Variants in VASP observed in about 807,000 individuals in gnomAD.
VASP encodes vasodilator-stimulated phosphoprotein.
Under a neutral mutation model 54.4 loss-of-function variants are expected in VASP, and 27 were observed. That is an observed-to-expected ratio of 0.50 (90% CI 0.37 to 0.68). VASP has a LOEUF of 0.68. Ranked by LOEUF, VASP falls within the 30% of genes least tolerant of loss-of-function variation. The probability of loss-of-function intolerance (pLI) is 0.00; values close to 1 mark genes in which losing one functional copy is unlikely to be tolerated. For synonymous variants in VASP, 233 were observed against 209.8 expected (o/e 1.11, Z -0.96); for missense variants, 488 against 528.3 (o/e 0.92, Z 0.75).
Position 45,522,374 on chromosome 19 carries a change from C to A in VASP, c.513C>A (p.Pro171=). The change falls in exon 6 of 13, where the codon CCC becomes CCA. Residue 171 remains proline, a synonymous_variant. Coordinates refer to ENST00000245932, the MANE Select transcript of VASP (RefSeq NM_003370.4). ...CTGCTCCCCCCGCTGGGGGTCCACC[C>A]CCACCACCAGGACCTCCCCCTCCTC... The part of the protein sequence containing the change: ...GPPAPPAGGP[P]PPPGPPPPPG... The A allele has an allele frequency of 1.3e-6, 2 of 1,551,500 alleles. No homozygotes were observed. The highest frequency in any genetic ancestry group is 1.7e-6 in the Non-Finnish European group (2 of 1,146,934).
chr19:45,526,480 G>T lies in VASP; in HGVS notation c.*303G>T. The T allele has an allele frequency of 3.2e-6, 1 of 317,312 alleles. No individual in the cohort carries two copies. The highest frequency in any genetic ancestry group is 5.3e-5 in the East Asian group (1 of 19,038). The allele number at this position is 317,312 out of a possible 1,614,324, so 19.7% of individuals were successfully genotyped here. On this transcript the variant is annotated 3_prime_UTR_variant, in exon 13 of 13. Transcript: ENST00000245932. ...GAACCCCACAGGAAGGGGGAAGGAAGGAGGGAATTTCACATTCCCTTGTTC... is the reference window on the plus strand; with the variant it reads ...GAACCCCACAGGAAGGGGGAAGGAATGAGGGAATTTCACATTCCCTTGTTC...
In VASP at chr19:45,524,667, TG is replaced by T. The variant is rs762503564; in HGVS notation, c.1047+14del. On this transcript the variant is annotated splice_region_variant and intron_variant, in intron 11 of 12. Coordinates refer to ENST00000245932, the MANE Select transcript of VASP (RefSeq NM_003370.4). Reference sequence around the variant, plus strand: ...CCTACAGAGGGTGAAACAGGTAACTTGGGGGGGAAGTTGGGGACCACAGCAA... The same window carrying T: ...CCTACAGAGGGTGAAACAGGTAACTTGGGGGGAAGTTGGGGACCACAGCAA... 267 of 1,612,732 alleles carry T rather than the reference TG, an allele frequency of 1.7e-4. 1 individual carries two copies. The East Asian group carries it at 5.8e-3, about 35-fold the overall frequency.
intron 1 of VASP, among the ~76,000 whole-genome samples, chr19:45,513,707 A>T (rs992784204): frequency 6.6e-5 from 10 of 151,772 alleles, no homozygotes; most frequent in Admixed American, 5.9e-4. Context: ...ACCTCAAGAG[A>T]TCCACCTGCT....
chr19:45,523,747 T>C (rs1383819182), intron 8 of VASP, 52 bp downstream of exon 8: 1 of 1,613,360 alleles, frequency 6.2e-7, no homozygotes, highest in Non-Finnish European at 8.5e-7. Context: ...ACCATGAGGG[T>C]AGGGATAGTG....
At position 45,523,891 on chromosome 19, in the gene VASP, C is replaced by T; in HGVS notation, c.910+14C>T. On this transcript the variant is annotated intron_variant, in intron 9 of 12. Coordinates refer to ENST00000245932, the MANE Select transcript of VASP (RefSeq NM_003370.4). ...CGGCCCAGAGTGGTGAGTAGAGTGCCCAGTCCAGCCACAGGAACTACAAAT... is the reference window on the plus strand; with the variant it reads ...CGGCCCAGAGTGGTGAGTAGAGTGCTCAGTCCAGCCACAGGAACTACAAAT... 2 of 1,613,642 alleles carry T rather than the reference C, an allele frequency of 1.2e-6. No homozygotes were observed. Among genetic ancestry groups the T allele is most frequent in the Non-Finnish European group, 1.7e-6 (2 of 1,179,900 alleles).
intron 1 of VASP, among the ~76,000 whole-genome samples, chr19:45,513,277 T>C (rs1968635711): frequency 6.8e-6 from 1 of 147,024 alleles, no homozygotes; most frequent in Non-Finnish European, 1.5e-5. Flanking sequence ...GGAGTCTTGC[T>C]CTGTTGCCCA....
intron 1 of VASP, among the ~76,000 whole-genome samples, chr19:45,512,695 G>T (rs1006286871): frequency 2.0e-5 from 3 of 152,004 alleles, no homozygotes; most frequent in Admixed American, 2.0e-4. Flanking sequence ...CGCCTCCTGG[G>T]TTCACGTGAT....
chr19:45,517,523 T>C, intron 1 of VASP, 140 bp from the exon 2 acceptor site: 1 of 1,001,838 alleles, frequency 1.0e-6, no homozygotes, highest in Non-Finnish European at 1.5e-6. Context: ...GTCTCCCCCG[T>C]CTCCTTCTGT....
At chr19:45,509,853 T>G (rs1599927133) in intron 1 of VASP, among the ~76,000 whole-genome samples, 2 of 152,264 alleles carry the variant, frequency 1.3e-5, no homozygotes, top group Admixed American at 1.3e-4. Flanking sequence ...TAGGCAACGT[T>G]GGAGGGGTGG....
At chr19:45,511,328 A>C (rs1968596555) in intron 1 of VASP, among the ~76,000 whole-genome samples, 2 of 152,114 alleles carry the variant, frequency 1.3e-5, no homozygotes, top group African/African-American at 4.8e-5. Flanking sequence ...CTTCATGTGG[A>C]GCGTGTACCA....
At chr19:45,512,449 A>C (rs1406881246) in intron 1 of VASP, among the ~76,000 whole-genome samples, 1 of 150,564 alleles carries the variant, frequency 6.6e-6, no homozygotes, top group Non-Finnish European at 1.5e-5. Context: ...CACCACGCCC[A>C]GCAAATTTTT....
At chr19:45,518,303 C>T (rs536113253) in intron 3 of VASP, among the ~76,000 whole-genome samples, 2 of 152,334 alleles carry the variant, frequency 1.3e-5, no homozygotes, top group South Asian at 2.1e-4. Context: ...CGCCGTGGCT[C>T]ATGCCTGTAA....
intron 11 of VASP, 87 bp from the exon 12 acceptor site, chr19:45,525,859 G>T: frequency 7.4e-7 from 1 of 1,356,400 alleles, no homozygotes. Flanking sequence ...ACAGAGCAAG[G>T]TTCCTTCTCA....
intron 3 of VASP, among the ~76,000 whole-genome samples, chr19:45,520,852 T>C (rs971791178): frequency 6.6e-6 from 1 of 152,124 alleles, no homozygotes; most frequent in East Asian, 1.9e-4. Context: ...TAATCCCAGC[T>C]ACTCAGGAGG....
At chr19:45,524,022 T>C (rs1351053264) in intron 9 of VASP, 75 bp from the exon 10 acceptor site, 2 of 1,602,920 alleles carry the variant, frequency 1.2e-6, no homozygotes, top group Non-Finnish European at 1.7e-6. Flanking sequence ...CAGGGGCTGA[T>C]GAGGTTGGGG....
rs1177582608 is a variant in VASP at position 45,526,151 on chromosome 19, G to T, written c.1117G>T (p.Glu373Ter). Residue 373 changes from glutamate to a stop codon, truncating the protein, a stop_gained, in exon 13 of 13, where the codon GAG becomes TAG. Transcript: ENST00000245932. LOFTEE classifies it high-confidence loss of function. Reference protein sequence around the residue: ...KEEIIEAFVQELRKRGSP With the variant: ...KEEIIEAFVQ ...TTGTTTCCTTCCAGCCTTCGTCCAG[G>T]AGCTGAGGAAGCGGGGTTCTCCCTG... 3.1e-6 allele frequency: 5 copies of T among 1,613,640 alleles called. No individual in the cohort carries two copies. The highest frequency in any genetic ancestry group is 4.2e-6 in the Non-Finnish European group (5 of 1,179,922).
intron 1 of VASP, among the ~76,000 whole-genome samples, chr19:45,517,437 C>G (rs1247629021): frequency 1.3e-5 from 2 of 151,970 alleles, no homozygotes; most frequent in African/African-American, 4.8e-5. Flanking sequence ...CCTTTCCCAC[C>G]TCTCTCTGCG....
At chr19:45,515,506 G>T (rs969789547) in intron 1 of VASP, among the ~76,000 whole-genome samples, 1 of 152,138 alleles carries the variant, frequency 6.6e-6, no homozygotes, top group Non-Finnish European at 1.5e-5. Context: ...CTGAGCTCTC[G>T]GCGTGTGCTG....
chr19:45,508,763 C>A (rs975475368), intron 1 of VASP, among the ~76,000 whole-genome samples: 3 of 152,170 alleles, frequency 2.0e-5, no homozygotes, highest in Non-Finnish European at 4.4e-5. Context: ...TCCCTAGGGA[C>A]CCAGGCTTCC....
Sources: gnomAD v4.1 joint callset for allele counts (sites outside exome capture counted in the v4.1 genomes callset) on GRCh38, gnomAD v4.1.1 for gene constraint, MANE v1.5 for transcripts, NCBI Gene and HGNC (gene_info 2026-07-23, HGNC 2026-07-21) for gene names.